The following KCNIP4 variants were observed in gnomAD, a reference collection of about 807,000 sequenced individuals.
The protein encoded by KCNIP4 is Kv channel-interacting protein 4.
A neutral mutation model predicts 34.0 loss-of-function variants in KCNIP4; 12 were observed. The ratio of observed to expected loss-of-function variants is 0.35; its 90% CI spans 0.23 to 0.57. KCNIP4 has a LOEUF of 0.57. Ranked by LOEUF, KCNIP4 falls within the 20% of genes least tolerant of loss-of-function variation. KCNIP4 has a pLI of 0.83. For synonymous variants in KCNIP4, 124 were observed against 102.2 expected, an observed-to-expected ratio of 1.21 and a Z score of -1.29; for missense variants, 238 against 311.7, an observed-to-expected ratio of 0.76 and a Z score of 1.78.
At chr4:21,905,932 C>G (rs1196850623) in intron 1 of KCNIP4, among the ~76,000 whole-genome samples, 1 of 152,076 alleles carries the variant, frequency 6.6e-6, no homozygotes, top group Non-Finnish European at 1.5e-5. Flanking sequence ...CCAATAGATC[C>G]CACTGACTTG....
chr4:21,853,605 G>T (rs985805947), intron 1 of KCNIP4, among the ~76,000 whole-genome samples: 1 of 152,010 alleles, frequency 6.6e-6, no homozygotes, highest in Non-Finnish European at 1.5e-5. Flanking sequence ...ACTTATTAGG[G>T]TTCAACACAT....
intron 1 of KCNIP4, among the ~76,000 whole-genome samples, chr4:21,499,346 A>AAAAAAAAAAAAAAAAAAAAAAAC (rs1491409328): frequency 6.7e-6 from 1 of 148,660 alleles, no homozygotes; most frequent in African/African-American, 2.5e-5. Flanking sequence ...AAAAAAAAAA[A>AAAAAAAAAAAAAAAAAAAAAAAC]CAACTACATA....
At chr4:21,289,397 A>G (rs984542959) in intron 1 of KCNIP4, among the ~76,000 whole-genome samples, 11 of 152,248 alleles carry the variant, frequency 7.2e-5, no homozygotes, top group African/African-American at 2.6e-4. Context: ...TATTTATTCC[A>G]TCTAACCATG....
At chr4:21,613,596 C>T (rs1744337555) in intron 1 of KCNIP4, 1 of 152,122 alleles carries the variant, frequency 6.6e-6, no homozygotes. Flanking sequence ...TTTTAAGCCA[C>T]TAAATTTTGA....
intron 1 of KCNIP4, among the ~76,000 whole-genome samples, chr4:20,928,244 C>CT (rs11403879): frequency 0.66 from 97,029 of 146,924 alleles, 32,229 homozygotes; most frequent in East Asian, 0.76. Context: ...AAGATAGTTT[C>CT]TTTTTTTTTT....
At chr4:21,521,157 G>T (rs1468066037) in intron 1 of KCNIP4, among the ~76,000 whole-genome samples, 1 of 152,112 alleles carries the variant, frequency 6.6e-6, no homozygotes, top group Non-Finnish European at 1.5e-5. Flanking sequence ...GGCATCCAGT[G>T]ACATCCAAAA....
intron 1 of KCNIP4, among the ~76,000 whole-genome samples, chr4:21,523,463 A>C (rs1735711686): frequency 6.6e-6 from 1 of 152,124 alleles, no homozygotes; most frequent in African/African-American, 2.4e-5. Flanking sequence ...AATTTTGGTA[A>C]TTTGAAATGA....
At chr4:21,235,265 C>T (rs946508452) in intron 1 of KCNIP4, among the ~76,000 whole-genome samples, 1 of 151,884 alleles carries the variant, frequency 6.6e-6, no homozygotes, top group African/African-American at 2.4e-5. Flanking sequence ...GTTTACAGAC[C>T]CCTGAATGCT....
intron 1 of KCNIP4, among the ~76,000 whole-genome samples, chr4:21,297,102 G>GTGTA (rs1553855060): frequency 4.2e-5 from 6 of 144,320 alleles, no homozygotes; most frequent in South Asian, 4.4e-4. Context: ...TCAAATATGT[G>GTGTA]TATATATATA....
chr4:20,945,213 T>C (rs1253599380), intron 1 of KCNIP4, among the ~76,000 whole-genome samples: 1 of 152,146 alleles, frequency 6.6e-6, no homozygotes, highest in Non-Finnish European at 1.5e-5. Flanking sequence ...AGGGCAGCAA[T>C]CTAACAAGAA....
chr4:21,842,242 A>C (rs1421793310), intron 1 of KCNIP4, among the ~76,000 whole-genome samples: 1 of 152,162 alleles, frequency 6.6e-6, no homozygotes, highest in Non-Finnish European at 1.5e-5. Flanking sequence ...CCTACCATAT[A>C]TGTCTCTGAC....
intron 1 of KCNIP4, among the ~76,000 whole-genome samples, chr4:21,792,520 C>T (rs375649580): frequency 3.3e-5 from 5 of 152,218 alleles, no homozygotes; most frequent in East Asian, 3.9e-4. Context: ...AATGTCAATA[C>T]GTGTGAAAGT....
intron 1 of KCNIP4, among the ~76,000 whole-genome samples, chr4:21,915,509 T>C (rs1438053886): frequency 2.6e-5 from 4 of 152,194 alleles, no homozygotes; most frequent in Admixed American, 1.3e-4. Flanking sequence ...AGCCAGGCCT[T>C]AAATCCAGGA....
chr4:21,396,495 G>T (rs2201534), intron 1 of KCNIP4, among the ~76,000 whole-genome samples: 93 of 130,584 alleles, frequency 7.1e-4, no homozygotes, highest in Admixed American at 1.2e-3. Flanking sequence ...GGCGGAGGTT[G>T]CAGTGAGCTG....
chr4:20,748,354 T>C lies in KCNIP4; in HGVS notation c.429+1308A>G, dbSNP rs189988611. 4.2e-3 allele frequency among the ~76,000 whole-genome samples: 638 copies of C among 152,084 alleles called. 8 individuals are homozygous for C. The highest frequency in any genetic ancestry group is 0.012 in the Admixed American group (176 of 15,246). On this transcript the variant is annotated intron_variant, in intron 5 of 8. Transcript: ENST00000382152. ...CCCATCCCATTCCAAGCCTTTGTTC[T>C]CTTAAGGAGCTCCTGACTGTCCTTT...
chr4:20,931,769 C>A (rs2149602574), intron 1 of KCNIP4, among the ~76,000 whole-genome samples: 1 of 151,892 alleles, frequency 6.6e-6, no homozygotes, highest in Middle Eastern at 3.4e-3. Context: ...AAGTGGTTCC[C>A]AGGGATGGTG....
intron 3 of KCNIP4, among the ~76,000 whole-genome samples, chr4:20,792,269 G>A (rs1025390928): frequency 2.0e-5 from 3 of 152,066 alleles, no homozygotes; most frequent in African/African-American, 7.2e-5. Flanking sequence ...AGCTACTTGG[G>A]AGGCTGAGGC....
chr4:20,882,797 A>G lies in KCNIP4; in HGVS notation c.62-88T>C, dbSNP rs1724844330. 6.0e-6 allele frequency: 6 copies of G among 1,001,060 alleles called. No individual in the cohort carries two copies. The East Asian group carries it at 1.5e-4, about 25-fold the overall frequency. The allele number at this position is 1,001,060 out of a possible 1,614,324, so 62.0% of individuals were successfully genotyped here. Reference sequence around the variant, plus strand: ...GGTTTATCAGAGAAGCCAGGCAGGAAGGATCAGGGACGCAGCCATCCACTC... The same window carrying G: ...GGTTTATCAGAGAAGCCAGGCAGGAGGGATCAGGGACGCAGCCATCCACTC... On this transcript the variant is annotated intron_variant, in intron 1 of 8. Coordinates refer to ENST00000382152, the MANE Select transcript of KCNIP4 (RefSeq NM_025221.6).
At chr4:21,566,476 G>A (rs534573997) in intron 1 of KCNIP4, among the ~76,000 whole-genome samples, 22 of 152,030 alleles carry the variant, frequency 1.4e-4, no homozygotes, top group African/African-American at 3.4e-4. Flanking sequence ...CTCCCCCTTC[G>A]CTCTCTTCCT....
Sources: gnomAD v4.1 joint callset for allele counts (sites outside exome capture counted in the v4.1 genomes callset) on GRCh38, gnomAD v4.1.1 for gene constraint, MANE v1.5 for transcripts, NCBI Gene and HGNC (gene_info 2026-07-23, HGNC 2026-07-21) for gene names.